Variants in WASHC2A observed in about 807,000 individuals in gnomAD.
The protein encoded by WASHC2A is WASH complex subunit 2A.
In WASHC2A, 82 loss-of-function variants were observed where a neutral mutation model predicts 140.3. The ratio of observed to expected loss-of-function variants is 0.58; its 90% confidence interval spans 0.49 to 0.70. The LOEUF is 0.70. Among genes scored for constraint, WASHC2A ranks in the 30% least tolerant of loss-of-function variants. WASHC2A has a pLI of 0.00. For synonymous variants in WASHC2A, 340 were observed against 560.8 expected (o/e 0.61, Z 5.56); for missense variants, 985 against 1,521.8 (o/e 0.65, Z 5.87).
Position 50,093,922 on chromosome 10 carries a change from G to C in WASHC2A, c.1180+5G>C, listed in dbSNP as rs1840172520. The C allele has an allele frequency of 6.3e-7, 1 of 1,587,154 alleles. No homozygotes were observed. The highest frequency in any genetic ancestry group is 8.6e-7 in the Non-Finnish European group (1 of 1,159,412). On this transcript the variant is annotated splice_donor_5th_base_variant and intron_variant, in intron 13 of 30. Transcript: ENST00000282633. ...CTGGAGCCTCTGTTAAGGAGGGTAAGCTGGGGCTGGGCAGCTGCGTCTCCG... is the reference window on the plus strand; with the variant it reads ...CTGGAGCCTCTGTTAAGGAGGGTAACCTGGGGCTGGGCAGCTGCGTCTCCG...
At chr10:50,068,675 A>G (rs1483998099) in intron 2 of WASHC2A, among the ~76,000 whole-genome samples, 85 of 149,498 alleles carry the variant, frequency 5.7e-4, no homozygotes, top group Middle Eastern at 3.5e-3. Context: ...GTGGTGGTTG[A>G]TTAGCTAACC....
chr10:50,125,778 A>G (rs1304634211), intron 25 of WASHC2A, among the ~76,000 whole-genome samples: 1 of 152,150 alleles, frequency 6.6e-6, no homozygotes, highest in East Asian at 1.9e-4. Flanking sequence ...TTCAGGTGCA[A>G]AGTTTTGAGT....
At chr10:50,101,854 G>A (rs1265905805) in intron 17 of WASHC2A, among the ~76,000 whole-genome samples, 6 of 149,646 alleles carry the variant, frequency 4.0e-5, no homozygotes, top group African/African-American at 1.2e-4. Flanking sequence ...TGGGCACTGG[G>A]GCCCCTGGGA....
intron 26 of WASHC2A, chr10:50,126,387 T>C: frequency 1.8e-6 from 1 of 564,336 alleles, no homozygotes; most frequent in Non-Finnish European, 3.0e-6. Flanking sequence ...TATACTTTAA[T>C]AGTTAGTGTT....
At position 50,106,411 on chromosome 10, in the gene WASHC2A, C is replaced by G. The variant is rs1233493562; in HGVS notation, c.1815C>G (p.Ala605=). Residue 605 remains alanine, a synonymous_variant, in exon 19 of 31, where the codon GCC becomes GCG. Coordinates refer to ENST00000282633, the MANE Select transcript of WASHC2A (RefSeq NM_001005751.3). ...CTCAGAGAGAAGAGAAAGCAAAAGC[C>G]TCCGAGCTCTCCAAAAAGAAAGCAT... ...LQAQREEKAK[A]SELSKKKASA... The G allele has an allele frequency of 1.6e-4, 263 of 1,611,914 alleles. No homozygotes were observed. Among genetic ancestry groups the G allele is most frequent in the Admixed American group, 1.5e-3 (89 of 60,004 alleles).
intron 19 of WASHC2A, among the ~76,000 whole-genome samples, 181 bp from the exon 20 acceptor site, chr10:50,109,920 C>T (rs1269347634): frequency 3.0e-4 from 46 of 151,748 alleles, no homozygotes; most frequent in Non-Finnish European, 6.6e-4. Flanking sequence ...CAGGCTCCCG[C>T]CACCACGCCC....
intron 25 of WASHC2A, among the ~76,000 whole-genome samples, chr10:50,125,805 C>G (rs1354151959): frequency 6.6e-6 from 1 of 152,148 alleles, no homozygotes; most frequent in Non-Finnish European, 1.5e-5. Flanking sequence ...TTTAGCCTTT[C>G]TATGTCATTT....
intron 20 of WASHC2A, chr10:50,112,185 C>T (rs1323296534): frequency 2.0e-5 from 20 of 980,672 alleles, no homozygotes; most frequent in Non-Finnish European, 2.3e-5. Context: ...CCACTACCCC[C>T]ACCCCACACA....
intron 11 of WASHC2A, among the ~76,000 whole-genome samples, chr10:50,092,681 G>C (rs1200386882): frequency 6.6e-6 from 1 of 151,438 alleles, no homozygotes; most frequent in African/African-American, 2.4e-5. Flanking sequence ...GCCTTGGAAG[G>C]CATGTTTTGG....
chr10:50,081,833 A>G (rs1334890002), intron 5 of WASHC2A, among the ~76,000 whole-genome samples: 27 of 152,034 alleles, frequency 1.8e-4, no homozygotes, highest in African/African-American at 6.0e-4. Flanking sequence ...GGGTTTCACC[A>G]TGTTGGCCAG....
chr10:50,110,714 A>G (rs1842212388), intron 20 of WASHC2A, among the ~76,000 whole-genome samples: 1 of 151,736 alleles, frequency 6.6e-6, no homozygotes, highest in Non-Finnish European at 1.5e-5. Flanking sequence ...AATATGGTGA[A>G]ACCCTGTCTC....
chr10:50,100,368 G>A (rs1286166558), intron 17 of WASHC2A, among the ~76,000 whole-genome samples: 7 of 151,682 alleles, frequency 4.6e-5, no homozygotes, highest in South Asian at 2.1e-4. Context: ...TGTAATCCCA[G>A]TTACTCAGAA....
rs1335391158 is a variant in WASHC2A at position 50,067,972 on chromosome 10, G to A, written c.-34G>A. ...GCTCTGCAGTCCTCGGCGTGTGCTG[G>A]CAGCTTCGGAGCCCACCGAGCCGGG... On this transcript the variant is annotated 5_prime_UTR_variant, in exon 1 of 31. Transcript: ENST00000282633. 2 of 1,600,362 alleles carry A rather than the reference G, an allele frequency of 1.2e-6. No homozygotes were observed. Among genetic ancestry groups the A allele is most frequent in the Non-Finnish European group, 1.7e-6 (2 of 1,175,248 alleles).
chr10:50,103,051 A>G (rs1331748876), intron 17 of WASHC2A, among the ~76,000 whole-genome samples: 3,524 of 148,876 alleles, frequency 0.024, 119 homozygotes, highest in Admixed American at 0.093. Flanking sequence ...TTTTTACAAA[A>G]TTAATATAGG....
At chr10:50,115,280 C>T (rs2132940714) in intron 21 of WASHC2A, among the ~76,000 whole-genome samples, 1 of 38,254 alleles carries the variant, frequency 2.6e-5, no homozygotes, top group South Asian at 1.3e-3. Flanking sequence ...CCTATGTTGA[C>T]CAAAAGGTTA....
At chr10:50,109,807 T>A (rs1268658901) in intron 19 of WASHC2A, among the ~76,000 whole-genome samples, 5 of 152,168 alleles carry the variant, frequency 3.3e-5, no homozygotes, top group African/African-American at 4.8e-5. Flanking sequence ...TCTCGCTCTG[T>A]CCCCCAGGCT....
chr10:50,101,608 A>G (rs1449079916), intron 17 of WASHC2A, among the ~76,000 whole-genome samples: 12 of 152,276 alleles, frequency 7.9e-5, no homozygotes, highest in African/African-American at 2.9e-4. Flanking sequence ...GCCATCCAGT[A>G]ATTGTTGATT....
chr10:50,133,065 G>A lies in WASHC2A; in HGVS notation c.*120G>A, dbSNP rs1044651. On this transcript the variant is annotated 3_prime_UTR_variant, in exon 31 of 31. Coordinates refer to ENST00000282633, the MANE Select transcript of WASHC2A (RefSeq NM_001005751.3). ...CAAATACTAGAACAGCTAGCTCATCGTTCACCCAATGTACTTGGTATTTTT... is the reference window on the plus strand; with the variant it reads ...CAAATACTAGAACAGCTAGCTCATCATTCACCCAATGTACTTGGTATTTTT... The A allele has an allele frequency of 1.6e-5, 26 of 1,582,526 alleles. No homozygotes were observed. The highest frequency in any genetic ancestry group is 1.1e-4 in the African/African-American group (8 of 73,988).
At chr10:50,090,546 A>ATATATT (rs1554882486) in intron 8 of WASHC2A, among the ~76,000 whole-genome samples, 3 of 144,858 alleles carry the variant, frequency 2.1e-5, no homozygotes, top group Admixed American at 1.4e-4. Context: ...ATTTATATAT[A>ATATATT]TATATTTATA....
Sources: gnomAD v4.1 joint callset for allele counts (sites outside exome capture counted in the v4.1 genomes callset) on GRCh38, gnomAD v4.1.1 for gene constraint, MANE v1.5 for transcripts, NCBI Gene and HGNC (gene_info 2026-07-23, HGNC 2026-07-21) for gene names.